MACROD2: variants seen among roughly 807,000 people sequenced by gnomAD.
MACROD2 encodes the protein ADP-ribose glycohydrolase MACROD2.
In MACROD2, 36 loss-of-function variants were observed where a neutral mutation model predicts 70.4. That is an observed-to-expected ratio of 0.51 (90% CI 0.39 to 0.68). The LOEUF is 0.68. MACROD2 is among the 30% of genes least tolerant of loss of function. The probability of loss-of-function intolerance (pLI) is 0.00; values close to 1 mark genes in which losing one functional copy is unlikely to be tolerated. For synonymous variants in MACROD2, 172 were observed against 178.8 expected, an observed-to-expected ratio of 0.96 and a Z score of 0.30; for missense variants, 496 against 538.4, an observed-to-expected ratio of 0.92 and a Z score of 0.78.
At chr20:14,170,592 A>G (rs565316566) in intron 3 of MACROD2, among the ~76,000 whole-genome samples, 2 of 152,270 alleles carry the variant, frequency 1.3e-5, no homozygotes, top group South Asian at 2.1e-4. Flanking sequence ...TTCTGCTTCT[A>G]TTGAGATGAT....
chr20:14,067,054 G>A (rs573763677), intron 2 of MACROD2, among the ~76,000 whole-genome samples: 49 of 149,806 alleles, frequency 3.3e-4, no homozygotes, highest in Non-Finnish European at 6.8e-4. Context: ...CTCGTGATCC[G>A]CCCGTCTCGG....
At chr20:14,005,814 T>G (rs1349524086) in intron 2 of MACROD2, among the ~76,000 whole-genome samples, 2 of 152,198 alleles carry the variant, frequency 1.3e-5, no homozygotes, top group African/African-American at 4.8e-5. Flanking sequence ...TTGGCCAGGC[T>G]GGTCTTGAAC....
intron 5 of MACROD2, among the ~76,000 whole-genome samples, chr20:15,209,149 T>TTTA (rs1166873385): frequency 7.0e-5 from 7 of 100,190 alleles, no homozygotes; most frequent in Non-Finnish European, 1.7e-4. Flanking sequence ...TTATTTATTT[T>TTTA]TTAGTCTGCT....
intron 5 of MACROD2, among the ~76,000 whole-genome samples, chr20:14,865,251 C>T (rs1183260733): frequency 1.3e-5 from 2 of 152,090 alleles, no homozygotes; most frequent in East Asian, 3.9e-4. Context: ...GATGCTATCT[C>T]CTGCCAGAGA....
At chr20:15,393,992 A>T (rs770673168) in intron 6 of MACROD2, among the ~76,000 whole-genome samples, 1 of 152,184 alleles carries the variant, frequency 6.6e-6, no homozygotes, top group African/African-American at 2.4e-5. Context: ...CTTAATAGTG[A>T]TGCTGATGAA....
intron 6 of MACROD2, among the ~76,000 whole-genome samples, chr20:15,425,772 G>A (rs1048082484): frequency 3.3e-5 from 5 of 152,302 alleles, no homozygotes; most frequent in African/African-American, 1.2e-4. Context: ...CTGCAAGACT[G>A]CTGTGTAAAA....
intron 8 of MACROD2, among the ~76,000 whole-genome samples, chr20:15,656,361 T>G (rs1250710694): frequency 6.6e-6 from 1 of 152,200 alleles, no homozygotes; most frequent in Admixed American, 6.5e-5. Flanking sequence ...AATATAAACA[T>G]GTACCAGCTA....
At chr20:14,826,909 T>C (rs1032567388) in intron 5 of MACROD2, among the ~76,000 whole-genome samples, 15 of 152,122 alleles carry the variant, frequency 9.9e-5, no homozygotes, top group African/African-American at 3.1e-4. Context: ...ATCATGCTAA[T>C]GGAGTCCTGG....
At chr20:13,998,772 G>A (rs2052695000) in intron 1 of MACROD2, among the ~76,000 whole-genome samples, 1 of 151,880 alleles carries the variant, frequency 6.6e-6, no homozygotes, top group Non-Finnish European at 1.5e-5. Context: ...TGGGGAACAC[G>A]GTGAAACCCC....
At chr20:15,908,055 A>G (rs1179000116) in intron 10 of MACROD2, among the ~76,000 whole-genome samples, 1 of 152,184 alleles carries the variant, frequency 6.6e-6, no homozygotes, top group East Asian at 1.9e-4. Context: ...AATATATTGC[A>G]TATCTATTTA....
intron 4 of MACROD2, among the ~76,000 whole-genome samples, chr20:14,620,082 G>A (rs987344250): frequency 6.6e-6 from 1 of 152,158 alleles, no homozygotes; most frequent in Non-Finnish European, 1.5e-5. Flanking sequence ...AAGTTGAGTA[G>A]TCATTATTTG....
intron 6 of MACROD2, among the ~76,000 whole-genome samples, chr20:15,274,524 T>C (rs1200931630): frequency 2.0e-5 from 3 of 152,212 alleles, no homozygotes; most frequent in African/African-American, 4.8e-5. Flanking sequence ...CTAATGTCAG[T>C]GGTGCTACCA....
chr20:15,344,865 G>T (rs929643270), intron 6 of MACROD2, among the ~76,000 whole-genome samples: 1 of 152,100 alleles, frequency 6.6e-6, no homozygotes, highest in African/African-American at 2.4e-5. Context: ...CTCTCTGATT[G>T]CCCCCTTATG....
At chr20:15,255,265 A>G (rs995766908) in intron 6 of MACROD2, among the ~76,000 whole-genome samples, 1 of 152,134 alleles carries the variant, frequency 6.6e-6, no homozygotes, top group African/African-American at 2.4e-5. Context: ...AAAGAGGGAT[A>G]TCATTGACCT....
intron 6 of MACROD2, among the ~76,000 whole-genome samples, chr20:15,358,189 A>C (rs988224465): frequency 6.6e-6 from 1 of 152,214 alleles, no homozygotes; most frequent in Non-Finnish European, 1.5e-5. Context: ...GCAGAATATT[A>C]GTTCTGTGAG....
rs553080759 is a variant in MACROD2 at position 14,084,347 on chromosome 20, C to G, written c.164-1274C>G. 2.0e-5 allele frequency among the ~76,000 whole-genome samples: 3 copies of G among 152,022 alleles called. No individual in the cohort carries two copies. In the South Asian group the frequency reaches 6.3e-4, roughly 32 times the overall value. ...CCTCTCATTAAAAATTTATGCATAT[C>G]ATAAATACTTTTAAAAATGAGAGTG... On this transcript the variant is annotated intron_variant, in intron 2 of 17. Transcript: ENST00000684519.
At chr20:15,001,976 T>C (rs144284592) in intron 5 of MACROD2, among the ~76,000 whole-genome samples, 4,696 of 151,618 alleles carry the variant, frequency 0.031, 241 homozygotes, top group African/African-American at 0.1. Context: ...CACACACATA[T>C]ACACACACAC....
chr20:15,011,705 G>T (rs2075083825), intron 5 of MACROD2, among the ~76,000 whole-genome samples: 1 of 152,150 alleles, frequency 6.6e-6, no homozygotes, highest in Non-Finnish European at 1.5e-5. Flanking sequence ...CATGTGGTTT[G>T]TGTTGAATTA....
At chr20:14,235,000 A>G (rs1998487) in intron 3 of MACROD2, among the ~76,000 whole-genome samples, 147,539 of 152,256 alleles carry the variant, frequency 0.97, 71,502 homozygotes, top group Admixed American at 0.99. Context: ...TTTACTCTTC[A>G]GGTTCTTTTT....
Sources: allele counts gnomAD v4.1 joint callset (sites outside exome capture counted in the v4.1 genomes callset), GRCh38; gene constraint gnomAD v4.1.1; transcripts MANE v1.5; gene names NCBI Gene and HGNC (gene_info 2026-07-23, HGNC 2026-07-21).